CAMK1D: variants seen among roughly 807,000 people sequenced by gnomAD.
CAMK1D encodes the protein calcium/calmodulin-dependent protein kinase type 1D.
A neutral mutation model predicts 47.7 loss-of-function variants in CAMK1D; 9 were observed. The ratio of observed to expected loss-of-function variants is 0.19; its 90% CI spans 0.11 to 0.33. The LOEUF is 0.33. Ranked by LOEUF, CAMK1D falls within the 10% of genes least tolerant of loss-of-function variation. The probability of loss-of-function intolerance (pLI) is 1.00; values close to 1 mark genes in which losing one functional copy is unlikely to be tolerated. For missense variants in CAMK1D, 291 were observed against 488.7 expected, an observed-to-expected ratio of 0.60 and a Z score of 3.81; for synonymous variants, 184 against 184.9, an observed-to-expected ratio of 0.99 and a Z score of 0.04.
chr10:12,395,798 G>A (rs1410379698), intron 1 of CAMK1D, among the ~76,000 whole-genome samples: 14 of 151,806 alleles, frequency 9.2e-5, no homozygotes, highest in African/African-American at 3.4e-4. Context: ...ATGGTGGTGC[G>A]TGCCGGTAGT....
intron 1 of CAMK1D, among the ~76,000 whole-genome samples, chr10:12,402,982 C>T (rs537625942): frequency 2.2e-4 from 33 of 151,998 alleles, no homozygotes; most frequent in Admixed American, 3.9e-4. Context: ...GGCAGAAATA[C>T]GGCTCCAGGA....
intron 8 of CAMK1D, among the ~76,000 whole-genome samples, chr10:12,820,639 G>A (rs943783524): frequency 7.2e-5 from 11 of 152,170 alleles, no homozygotes; most frequent in African/African-American, 1.7e-4. Flanking sequence ...CACCGAGGGC[G>A]AGGGAGGCCT....
chr10:12,710,471 C>T (rs892021176), intron 3 of CAMK1D, among the ~76,000 whole-genome samples: 2 of 152,186 alleles, frequency 1.3e-5, no homozygotes, highest in African/African-American at 4.8e-5. Context: ...AGATTAGTGA[C>T]AAAGACAGAG....
chr10:12,412,867 C>A (rs948693722), intron 1 of CAMK1D, among the ~76,000 whole-genome samples: 9 of 152,018 alleles, frequency 5.9e-5, no homozygotes, highest in African/African-American at 2.2e-4. Flanking sequence ...CTGTGCTTGG[C>A]CCTCCCGGGT....
intron 2 of CAMK1D, among the ~76,000 whole-genome samples, chr10:12,573,203 C>T (rs142301424): frequency 0.011 from 1,698 of 152,346 alleles, 25 homozygotes; most frequent in African/African-American, 0.039. Context: ...CCTGCAAGCA[C>T]TCAGGCCACA....
intron 2 of CAMK1D, among the ~76,000 whole-genome samples, chr10:12,614,038 T>C (rs1838708990): frequency 6.6e-6 from 1 of 152,152 alleles, no homozygotes; most frequent in Non-Finnish European, 1.5e-5. Flanking sequence ...GCTTTTCTCC[T>C]TAATTATTAT....
intron 6 of CAMK1D, among the ~76,000 whole-genome samples, chr10:12,791,678 T>TA (rs36052822): frequency 0.44 from 67,302 of 151,998 alleles, 15,083 homozygotes; most frequent in East Asian, 0.62. Flanking sequence ...AAAAACTGAG[T>TA]ATATTCCGTT....
At chr10:12,591,940 C>G (rs1838007739) in intron 2 of CAMK1D, among the ~76,000 whole-genome samples, 1 of 152,180 alleles carries the variant, frequency 6.6e-6, no homozygotes, top group Non-Finnish European at 1.5e-5. Flanking sequence ...TGATCCACCC[C>G]CTCGGCCTCC....
intron 1 of CAMK1D, among the ~76,000 whole-genome samples, chr10:12,379,591 A>G (rs1270521741): frequency 6.6e-6 from 1 of 152,058 alleles, no homozygotes; most frequent in Admixed American, 6.6e-5. Context: ...TGTCTCTACT[A>G]AAAATACAAA....
chr10:12,722,132 C>T (rs1335440591), intron 3 of CAMK1D, among the ~76,000 whole-genome samples: 4 of 152,078 alleles, frequency 2.6e-5, no homozygotes, highest in African/African-American at 9.7e-5. Context: ...TTTTGGGAGA[C>T]AGTCCATGGT....
At chr10:12,537,680 C>T (rs1836020086) in intron 1 of CAMK1D, among the ~76,000 whole-genome samples, 3 of 152,158 alleles carry the variant, frequency 2.0e-5, no homozygotes, top group Admixed American at 2.0e-4. Context: ...ACAGTGAGTG[C>T]CCCTGGAATT....
chr10:12,749,503 C>G (rs1257612998), intron 3 of CAMK1D, among the ~76,000 whole-genome samples: 1 of 146,470 alleles, frequency 6.8e-6, no homozygotes, highest in Non-Finnish European at 1.5e-5. Flanking sequence ...CAATAAGGGA[C>G]TGGAACACAT....
intron 4 of CAMK1D, among the ~76,000 whole-genome samples, chr10:12,761,436 G>A (rs1020340068): frequency 3.9e-5 from 6 of 152,092 alleles, no homozygotes; most frequent in Non-Finnish European, 7.3e-5. Flanking sequence ...GTGCAGTTCC[G>A]CAGCACCTTT....
chr10:12,574,094 C>T (rs1425494362), intron 2 of CAMK1D, among the ~76,000 whole-genome samples: 1 of 152,160 alleles, frequency 6.6e-6, no homozygotes, highest in Non-Finnish European at 1.5e-5. Context: ...TGTACTGAAA[C>T]TGTTTCTTTA....
chr10:12,406,696 C>A (rs536601232), intron 1 of CAMK1D, among the ~76,000 whole-genome samples: 1 of 117,852 alleles, frequency 8.5e-6, no homozygotes, highest in Admixed American at 1.1e-4. Context: ...ACACTCCAGC[C>A]TGGGTGACAA....
intron 1 of CAMK1D, among the ~76,000 whole-genome samples, chr10:12,507,695 A>G (rs1327837479): frequency 6.6e-6 from 1 of 151,254 alleles, no homozygotes; most frequent in Admixed American, 6.6e-5. Flanking sequence ...TTTCTTGAAA[A>G]CCACCAGCCC....
At chr10:12,768,842 A>G (rs1836901995) in intron 4 of CAMK1D, among the ~76,000 whole-genome samples, 2 of 152,200 alleles carry the variant, frequency 1.3e-5, no homozygotes, top group South Asian at 2.1e-4. Context: ...AGATTCCCCA[A>G]TTCTACATAA....
intron 3 of CAMK1D, among the ~76,000 whole-genome samples, chr10:12,686,824 T>G (rs1447245888): frequency 6.6e-6 from 1 of 152,204 alleles, no homozygotes; most frequent in African/African-American, 2.4e-5. Flanking sequence ...TAAAAAAGAT[T>G]AAACAGGCTC....
chr10:12,350,205 T>C (rs1837311121), intron 1 of CAMK1D, among the ~76,000 whole-genome samples: 1 of 152,162 alleles, frequency 6.6e-6, no homozygotes, highest in South Asian at 2.1e-4. Context: ...CTCCGCTGCC[T>C]TCTCCCCACG....
Sources: allele counts gnomAD v4.1 joint callset (sites outside exome capture counted in the v4.1 genomes callset), GRCh38; gene constraint gnomAD v4.1.1; transcripts MANE v1.5; gene names NCBI Gene and HGNC (gene_info 2026-07-23, HGNC 2026-07-21).